The following SV2C variants were observed in gnomAD, a reference collection of about 807,000 sequenced individuals.
The protein encoded by SV2C is synaptic vesicle glycoprotein 2C.
Under a neutral mutation model 79.7 loss-of-function variants are expected in SV2C, and 49 were observed. The ratio of observed to expected loss-of-function variants is 0.61; its 90% CI spans 0.49 to 0.78. The LOEUF (loss-of-function observed/expected upper bound fraction) is 0.78, where lower values mean the gene tolerates loss of function less well. Ranked by LOEUF, SV2C falls within the 30% of genes least tolerant of loss-of-function variation. SV2C has a pLI of 0.00. For missense variants in SV2C, 833 were observed against 912.9 expected (o/e 0.91, Z 1.13); for synonymous variants, 334 against 333.2 (o/e 1.00, Z -0.03).
chr5:75,869,839 T>C, the SV2C span, among the ~76,000 whole-genome samples: 1 of 152,070 alleles, frequency 6.6e-6, no homozygotes, highest in Non-Finnish European at 1.5e-5. Context: ...TGGGAGAACA[T>C]AAGGGGAGAG....
intron 2 of SV2C, among the ~76,000 whole-genome samples, chr5:76,174,689 A>G (rs1743467830): frequency 6.6e-6 from 1 of 152,250 alleles, no homozygotes; most frequent in Admixed American, 6.5e-5. Context: ...AATGTAAAAA[A>G]GAATGCTTAG....
At chr5:76,233,569 T>C (rs889679861) in intron 4 of SV2C, among the ~76,000 whole-genome samples, 6 of 147,912 alleles carry the variant, frequency 4.1e-5, no homozygotes, top group Non-Finnish European at 7.4e-5. Flanking sequence ...TGATATTTGC[T>C]GTGGGTTTGT....
chr5:75,850,594 A>G, the SV2C span, among the ~76,000 whole-genome samples: 1 of 152,170 alleles, frequency 6.6e-6, no homozygotes, highest in Middle Eastern at 3.4e-3. Context: ...ATATGTAACA[A>G]AACTGCACGT....
chr5:75,930,101 T>C, the SV2C span, among the ~76,000 whole-genome samples: 1 of 152,196 alleles, frequency 6.6e-6, no homozygotes, highest in Non-Finnish European at 1.5e-5. Flanking sequence ...TGTTCCTTTT[T>C]CCTCCAGTCC....
chr5:76,073,503 G>GTATGTGCATA, the SV2C span, among the ~76,000 whole-genome samples: 1 of 67,412 alleles, frequency 1.5e-5, no homozygotes, highest in African/African-American at 6.6e-5. Flanking sequence ...GTATGTGTGT[G>GTATGTGCATA]TATATATATA....
the SV2C span, among the ~76,000 whole-genome samples, chr5:76,064,958 A>G: frequency 6.6e-6 from 1 of 152,162 alleles, no homozygotes; most frequent in Non-Finnish European, 1.5e-5. Context: ...TTAGATCTAA[A>G]AGAATCTTAA....
chr5:76,234,293 AG>A (rs1428265502), intron 4 of SV2C, among the ~76,000 whole-genome samples: 2 of 152,226 alleles, frequency 1.3e-5, no homozygotes, highest in Non-Finnish European at 2.9e-5. Context: ...ACTGAGCAAT[AG>A]GGTCACTATT....
intron 12 of SV2C, among the ~76,000 whole-genome samples, chr5:76,306,142 C>G (rs193106805): frequency 6.6e-6 from 1 of 152,158 alleles, no homozygotes; most frequent in African/African-American, 2.4e-5. Flanking sequence ...CAAACTCCTG[C>G]GCTCAAGTGA....
chr5:75,909,382 C>T, the SV2C span, among the ~76,000 whole-genome samples: 5,039 of 152,242 alleles, frequency 0.033, 202 homozygotes, highest in African/African-American at 0.1. Flanking sequence ...TTAGTCTAAA[C>T]CAGGGAGTTG....
At chr5:75,978,538 T>C in the SV2C span, among the ~76,000 whole-genome samples, 1 of 152,240 alleles carries the variant, frequency 6.6e-6, no homozygotes, top group African/African-American at 2.4e-5. Context: ...GATGCCCATC[T>C]TATAATCTTT....
chr5:75,952,162 A>G, the SV2C span, among the ~76,000 whole-genome samples: 2 of 151,934 alleles, frequency 1.3e-5, no homozygotes, highest in Non-Finnish European at 2.9e-5. Flanking sequence ...AGAAAAATGA[A>G]ACAACCCTGA....
the SV2C span, among the ~76,000 whole-genome samples, chr5:75,854,633 A>G: frequency 6.6e-6 from 1 of 152,136 alleles, no homozygotes; most frequent in African/African-American, 2.4e-5. Context: ...TCAGTTATAT[A>G]TGTAGTGCTC....
chr5:75,849,249 T>A, the SV2C span, among the ~76,000 whole-genome samples: 2 of 152,212 alleles, frequency 1.3e-5, no homozygotes, highest in African/African-American at 4.8e-5. Context: ...AAGTCTCAAA[T>A]GGAAGGATAA....
downstream of SV2C, among the ~76,000 whole-genome samples, chr5:76,334,206 C>A (rs1269797044): frequency 1.3e-5 from 2 of 152,120 alleles, no homozygotes; most frequent in Non-Finnish European, 2.9e-5. Flanking sequence ...TGCTTGTGTT[C>A]TTTTGCCCTA....
the SV2C span, among the ~76,000 whole-genome samples, chr5:76,057,399 C>T: frequency 6.8e-6 from 1 of 147,396 alleles, no homozygotes; most frequent in East Asian, 2.0e-4. Context: ...CCACAACAGG[C>T]CCCGGTGTGT....
chr5:76,337,586 G>A (rs74731713), downstream of SV2C, among the ~76,000 whole-genome samples: 4,167 of 152,278 alleles, frequency 0.027, 79 homozygotes, highest in South Asian at 0.072. Context: ...GAAGGGAATG[G>A]AATGTGCCTA....
the SV2C span, chr5:76,075,621 G>T: frequency 0.011 from 2,509 of 224,846 alleles, 72 homozygotes; most frequent in African/African-American, 0.055. Context: ...AAGCTGTCCT[G>T]TGGTCCAGTG....
chr5:76,174,505 G>A (rs1212700438), intron 2 of SV2C, among the ~76,000 whole-genome samples: 1 of 152,204 alleles, frequency 6.6e-6, no homozygotes, highest in Non-Finnish European at 1.5e-5. Flanking sequence ...GAGAGATCCT[G>A]AATCTTCTTT....
the SV2C span, among the ~76,000 whole-genome samples, chr5:75,942,813 T>A: frequency 6.6e-6 from 1 of 152,092 alleles, no homozygotes; most frequent in Admixed American, 6.6e-5. Context: ...AGTTTTAGGG[T>A]TTTGGATTAA....
Sources: gnomAD v4.1 joint callset for allele counts (sites outside exome capture counted in the v4.1 genomes callset) on GRCh38, gnomAD v4.1.1 for gene constraint, MANE v1.5 for transcripts, NCBI Gene and HGNC (gene_info 2026-07-23, HGNC 2026-07-21) for gene names.